Variants in B3GALNT2 observed in about 807,000 individuals in gnomAD.
B3GALNT2 encodes the protein beta-1,3-N-acetylgalactosaminyltransferase 2.
A neutral mutation model predicts 61.1 loss-of-function variants in B3GALNT2; 53 were observed. The ratio of observed to expected loss-of-function variants is 0.87; its 90% CI spans 0.70 to 1.09. B3GALNT2 has a LOEUF of 1.09. Ranked by LOEUF, B3GALNT2 falls within the 50% of genes least tolerant of loss-of-function variation. The pLI is 0.00. For missense variants in B3GALNT2, 544 were observed against 623.0 expected, an observed-to-expected ratio of 0.87 and a Z score of 1.35; for synonymous variants, 223 against 237.4, an observed-to-expected ratio of 0.94 and a Z score of 0.56.
In B3GALNT2 at chr1:235,448,304, A is replaced by G; in HGVS notation, c.*1902T>C. 6.6e-7 allele frequency: 1 copy of G among 1,515,292 alleles called. No homozygotes were observed. The allele number at this position is 1,515,292 out of a possible 1,614,324, so 93.9% of individuals were successfully genotyped here. A position where few individuals can be genotyped will look rare whatever the true frequency, so the allele number is the denominator to read the frequency against. On this transcript the variant is annotated 3_prime_UTR_variant, in exon 12 of 12. Transcript: ENST00000366600. ...ATCACATGAGCTAGTTTTACAGGTA[A>G]CTGTCATTTGAGAGAACGAATGGAC...
chr1:235,466,281 C>T (rs551825080), intron 6 of B3GALNT2, among the ~76,000 whole-genome samples: 11 of 145,010 alleles, frequency 7.6e-5, no homozygotes, highest in African/African-American at 2.8e-4. Context: ...ATTGGTCAGG[C>T]TGGTCTCGAA....
intron 1 of B3GALNT2, among the ~76,000 whole-genome samples, chr1:235,498,107 C>T (rs1276191583): frequency 6.6e-6 from 1 of 152,154 alleles, no homozygotes; most frequent in Non-Finnish European, 1.5e-5. Context: ...TAACCACATA[C>T]CATTAATGTA....
In B3GALNT2 at chr1:235,504,358, G is replaced by A; in HGVS notation, c.-106C>T. The stretch of plus-strand genomic sequence containing the variant: ...GGCGGCTGACGAGCGACCACTCCGA[G>A]CACGCCCGCCCTCGCGCTCGGCGAC... On this transcript the variant is annotated 5_prime_UTR_variant, in exon 1 of 12. Coordinates refer to ENST00000366600, the MANE Select transcript of B3GALNT2 (RefSeq NM_152490.5). 1.6e-6 allele frequency: 2 copies of A among 1,286,348 alleles called. No homozygotes were observed. The highest frequency in any genetic ancestry group is 2.1e-6 in the Non-Finnish European group (2 of 975,436). The allele number at this position is 1,286,348 out of a possible 1,614,324, so 79.7% of individuals were successfully genotyped here.
chr1:235,440,030 C>G, the B3GALNT2 span, among the ~76,000 whole-genome samples: 14 of 151,556 alleles, frequency 9.2e-5, no homozygotes, highest in South Asian at 1.5e-3. Context: ...GAGTGCAGTG[C>G]CGCGATCTCC....
chr1:235,479,981 T>C, intron 5 of B3GALNT2, 73 bp downstream of exon 5: 1 of 1,575,398 alleles, frequency 6.3e-7, no homozygotes, highest in East Asian at 2.3e-5. Flanking sequence ...ATCAAGTGCC[T>C]GCCCCTGAAA....
At position 235,504,279 on chromosome 1, in the gene B3GALNT2, C is replaced by A; in HGVS notation, c.-27G>T. ...GGCCGCCCCCGCCGCGAGCCGGGCTCTCCCGCGTCCCGGCGGAGAGGGAGG... is the reference window on the plus strand; with the variant it reads ...GGCCGCCCCCGCCGCGAGCCGGGCTATCCCGCGTCCCGGCGGAGAGGGAGG... On this transcript the variant is annotated 5_prime_UTR_variant, in exon 1 of 12. Transcript: ENST00000366600. 1 of 1,484,324 alleles carries A rather than the reference C, an allele frequency of 6.7e-7. No homozygotes were observed. The highest frequency in any genetic ancestry group is 8.9e-7 in the Non-Finnish European group (1 of 1,122,786). The allele number at this position is 1,484,324 out of a possible 1,614,324, so 91.9% of individuals were successfully genotyped here. A position where few individuals can be genotyped will look rare whatever the true frequency, so the allele number is the denominator to read the frequency against.
chr1:235,491,981 C>T (rs1685093665), intron 2 of B3GALNT2, among the ~76,000 whole-genome samples: 1 of 152,186 alleles, frequency 6.6e-6, no homozygotes, highest in Non-Finnish European at 1.5e-5. Flanking sequence ...ATTTATATCA[C>T]AGCACATACA....
At chr1:235,479,576 T>TCGGTGG in intron 5 of B3GALNT2, 1 of 155,670 alleles carries the variant, frequency 6.4e-6, no homozygotes, top group Admixed American at 6.2e-5. Flanking sequence ...CAGGTACATT[T>TCGGTGG]TCAGGCTATC....
chr1:235,480,249 C>T, intron 4 of B3GALNT2, 100 bp from the exon 5 acceptor site: 4 of 1,500,984 alleles, frequency 2.7e-6, no homozygotes, highest in South Asian at 2.6e-5. Flanking sequence ...GCTAAATCCA[C>T]AATGGCCCTA....
At chr1:235,473,509 A>G (rs1391293856) in intron 5 of B3GALNT2, among the ~76,000 whole-genome samples, 2 of 152,234 alleles carry the variant, frequency 1.3e-5, no homozygotes, top group Non-Finnish European at 2.9e-5. Context: ...TTAAAAATAC[A>G]GGCGATGAGA....
chr1:235,467,668 C>T (rs1333976511), intron 6 of B3GALNT2, among the ~76,000 whole-genome samples: 1 of 151,564 alleles, frequency 6.6e-6, no homozygotes, highest in Non-Finnish European at 1.5e-5. Flanking sequence ...TTAGTAGAGA[C>T]GGGGTTTCAC....
chr1:235,453,109 A>G lies in B3GALNT2; in HGVS notation c.1349T>C (p.Ile450Thr). The G allele has an allele frequency of 6.2e-7, 1 of 1,613,196 alleles. No homozygotes were observed. Among genetic ancestry groups the G allele is most frequent in the Non-Finnish European group, 8.5e-7 (1 of 1,179,108 alleles). ...ACTTACCTGGTATCTTTTAGGTCCT[A>G]TGGCAGCCATCCAGATGCCCATGCT... ...DVSMGIWMAA[I>T]GPKRYQDSLW... Residue 450 changes from isoleucine (I) to threonine (T), a missense_variant, in exon 11 of 12, where the codon ATA (isoleucine) becomes ACA (threonine). Coordinates refer to ENST00000366600, the MANE Select transcript of B3GALNT2 (RefSeq NM_152490.5).
chr1:235,480,636 G>C (rs1278285808), intron 4 of B3GALNT2, among the ~76,000 whole-genome samples: 4 of 151,994 alleles, frequency 2.6e-5, no homozygotes, highest in Non-Finnish European at 5.9e-5. Context: ...CAGGTGCAGT[G>C]GCTCACGCTT....
In B3GALNT2 at chr1:235,469,214, G is replaced by A. The variant is rs370151123; in HGVS notation, c.762+1636C>T. ...AAATGTTTTTTGAATGAGTAATAAC[G>A]TAGCATATATTCATTTCAACTCAGA... On this transcript the variant is annotated intron_variant, in intron 6 of 11. Coordinates refer to ENST00000366600, the MANE Select transcript of B3GALNT2 (RefSeq NM_152490.5). Among the ~76,000 whole-genome samples, 27 of 152,194 alleles carry A rather than the reference G, an allele frequency of 1.8e-4. 1 individual carries two copies. The highest frequency in any genetic ancestry group is 5.8e-4 in the African/African-American group (24 of 41,526).
At chr1:235,453,602 C>T (rs945294764) in intron 10 of B3GALNT2, among the ~76,000 whole-genome samples, 7 of 152,012 alleles carry the variant, frequency 4.6e-5, no homozygotes, top group Non-Finnish European at 7.4e-5. Flanking sequence ...TATAGGTGTG[C>T]GCCCAGCTAA....
intron 2 of B3GALNT2, among the ~76,000 whole-genome samples, chr1:235,491,509 A>G (rs1685065318): frequency 6.6e-6 from 1 of 152,298 alleles, no homozygotes; most frequent in East Asian, 1.9e-4. Context: ...GCCTGTAGGA[A>G]CCTCAAGGTC....
At chr1:235,458,476 G>A in intron 8 of B3GALNT2, 127 bp downstream of exon 8, 1 of 1,255,648 alleles carries the variant, frequency 8.0e-7, no homozygotes, top group Non-Finnish European at 1.0e-6. Context: ...CCTGCACTCA[G>A]GAGTTCAAGA....
intron 5 of B3GALNT2, chr1:235,479,071 C>T (rs1684435755): frequency 1.3e-5 from 2 of 152,174 alleles, no homozygotes; most frequent in African/African-American, 4.8e-5. Context: ...AAGGAGATCC[C>T]TTTGACACTG....
chr1:235,480,726 A>T (rs1684519130), intron 4 of B3GALNT2, among the ~76,000 whole-genome samples: 1 of 151,736 alleles, frequency 6.6e-6, no homozygotes, highest in African/African-American at 2.4e-5. Context: ...CCAACATGTG[A>T]AACTCCAAAT....
Sources: allele counts gnomAD v4.1 joint callset (sites outside exome capture counted in the v4.1 genomes callset), GRCh38; gene constraint gnomAD v4.1.1; transcripts MANE v1.5; gene names NCBI Gene and HGNC (gene_info 2026-07-23, HGNC 2026-07-21).